ITSN1: variants seen among roughly 807,000 people sequenced by gnomAD.
The protein encoded by ITSN1 is intersectin-1.
A neutral mutation model predicts 239.8 loss-of-function variants in ITSN1; 58 were observed. The observed-to-expected ratio is 0.24, with a 90% confidence interval of 0.20 to 0.30. The LOEUF is 0.30. ITSN1 is among the 10% of genes least tolerant of loss of function. The pLI, the probability that ITSN1 is intolerant of heterozygous loss-of-function variation, is 1.00. For synonymous variants in ITSN1, 780 were observed against 770.8 expected (o/e 1.01, Z -0.20); for missense variants, 1,558 against 2,103.3 (o/e 0.74, Z 5.07).
intron 22 of ITSN1, chr21:33,817,849 TG>T: frequency 3.0e-6 from 1 of 338,844 alleles, no homozygotes; most frequent in Non-Finnish European, 5.4e-6. Context: ...AATGATCTCA[TG>T]ATAGTTCATA....
At chr21:33,881,271 G>T (rs1016281287) in intron 34 of ITSN1, among the ~76,000 whole-genome samples, 2 of 152,072 alleles carry the variant, frequency 1.3e-5, no homozygotes, top group Non-Finnish European at 2.9e-5. Context: ...GCCGGGCGTG[G>T]TCGCGAGCAC....
chr21:33,804,470 A>C (rs1002448037), intron 20 of ITSN1, among the ~76,000 whole-genome samples: 2 of 152,196 alleles, frequency 1.3e-5, no homozygotes, highest in Non-Finnish European at 2.9e-5. Flanking sequence ...TGAAGTTCTC[A>C]ATAAACATTC....
chr21:33,731,711 G>A (rs1189499310), intron 4 of ITSN1, among the ~76,000 whole-genome samples: 1 of 152,192 alleles, frequency 6.6e-6, no homozygotes, highest in Non-Finnish European at 1.5e-5. Context: ...AAGAAAACTT[G>A]TGATCGGATT....
intron 29 of ITSN1, among the ~76,000 whole-genome samples, chr21:33,845,139 A>T (rs532006478): frequency 1.3e-5 from 2 of 152,082 alleles, no homozygotes; most frequent in African/African-American, 4.8e-5. Flanking sequence ...GCAGCAGAGA[A>T]ATGAGTGGGG....
intron 6 of ITSN1, among the ~76,000 whole-genome samples, chr21:33,750,568 C>G (rs1005900908): frequency 6.6e-6 from 1 of 152,152 alleles, no homozygotes; most frequent in African/African-American, 2.4e-5. Flanking sequence ...GTGAGCTCAG[C>G]AGTGAAAGCC....
At chr21:33,650,352 A>G (rs2088401371) in intron 1 of ITSN1, among the ~76,000 whole-genome samples, 1 of 152,328 alleles carries the variant, frequency 6.6e-6, no homozygotes, top group Non-Finnish European at 1.5e-5. Context: ...AAGCACTGCA[A>G]CAAGATTGGA....
intron 34 of ITSN1, among the ~76,000 whole-genome samples, chr21:33,877,450 A>G (rs1006106333): frequency 2.6e-5 from 4 of 152,224 alleles, no homozygotes; most frequent in Non-Finnish European, 4.4e-5. Context: ...TGGGCATCAC[A>G]GCCCTTGTGT....
chr21:33,834,608 TA>T (rs1569278198), intron 28 of ITSN1, among the ~76,000 whole-genome samples, 184 bp downstream of exon 28: 1 of 152,384 alleles, frequency 6.6e-6, no homozygotes, highest in East Asian at 1.9e-4. Context: ...ACCAGATATC[TA>T]AGTGGCTTTT....
At chr21:33,887,186 G>A (rs1260384402) in intron 39 of ITSN1, among the ~76,000 whole-genome samples, 3 of 151,710 alleles carry the variant, frequency 2.0e-5, no homozygotes, top group African/African-American at 7.3e-5. Context: ...AGGCATGGTG[G>A]CATGCACCTG....
intron 12 of ITSN1, 21 bp downstream of exon 12, chr21:33,772,344 C>T: frequency 6.5e-7 from 1 of 1,549,810 alleles, no homozygotes; most frequent in Non-Finnish European, 8.7e-7. Flanking sequence ...GAGAGTGGAG[C>T]CACCCGGAGT....
intron 3 of ITSN1, 121 bp from the exon 4 acceptor site, chr21:33,722,467 T>G: frequency 8.1e-7 from 1 of 1,239,048 alleles, no homozygotes; most frequent in Non-Finnish European, 1.1e-6. Flanking sequence ...TATAATGCAC[T>G]CAACTGGTAT....
intron 30 of ITSN1, among the ~76,000 whole-genome samples, 154 bp downstream of exon 30, chr21:33,857,011 G>A (rs997121024): frequency 2.0e-5 from 3 of 152,172 alleles, no homozygotes; most frequent in Admixed American, 6.5e-5. Flanking sequence ...AGGAGATTGC[G>A]ACCGCAGAGA....
In ITSN1 at chr21:33,757,368, G is replaced by A. The variant is rs116678249; in HGVS notation, c.724+1971G>A. Among the ~76,000 whole-genome samples the A allele has an allele frequency of 7.2e-3, 1,096 of 152,144 alleles. 14 individuals are homozygous for A. The highest frequency in any genetic ancestry group is 0.025 in the African/African-American group (1,043 of 41,492). On this transcript the variant is annotated intron_variant, in intron 8 of 39. Transcript: ENST00000381318. ...ATATCTGAGGCAGAAAGTAAAATTTGAAATATACTGGAAAGAAAGCAGATT... is the reference window on the plus strand; with the variant it reads ...ATATCTGAGGCAGAAAGTAAAATTTAAAATATACTGGAAAGAAAGCAGATT...
chr21:33,721,646 T>A (rs1049742442), intron 3 of ITSN1, among the ~76,000 whole-genome samples: 1 of 151,244 alleles, frequency 6.6e-6, no homozygotes, highest in Non-Finnish European at 1.5e-5. Context: ...AAATAAAAAA[T>A]TAGCTGGGTG....
chr21:33,664,835 T>A (rs2089819459), intron 1 of ITSN1, among the ~76,000 whole-genome samples: 1 of 152,244 alleles, frequency 6.6e-6, no homozygotes, highest in African/African-American at 2.4e-5. Flanking sequence ...ACCAGTTGAT[T>A]ATATGACCTC....
At chr21:33,649,580 C>G (rs1262524118) in intron 1 of ITSN1, among the ~76,000 whole-genome samples, 1 of 152,110 alleles carries the variant, frequency 6.6e-6, no homozygotes, top group Non-Finnish European at 1.5e-5. Flanking sequence ...AGTTGGTCAC[C>G]AAAACCTGTC....
chr21:33,642,943 G>A (rs912579635), intron 1 of ITSN1, among the ~76,000 whole-genome samples: 4 of 150,578 alleles, frequency 2.7e-5, no homozygotes, highest in African/African-American at 9.7e-5. Flanking sequence ...GGGCGGACCC[G>A]CACTGGGAGG....
At chr21:33,722,896 C>T (rs921460903) in intron 4 of ITSN1, among the ~76,000 whole-genome samples, 5 of 152,142 alleles carry the variant, frequency 3.3e-5, no homozygotes, top group Non-Finnish European at 7.4e-5. Flanking sequence ...GTTGAATTTC[C>T]ATGGAGACAT....
Position 33,767,827 on chromosome 21 carries a change from T to G in ITSN1, c.1041T>G (p.Pro347=), listed in dbSNP as rs1198669267. The G allele has an allele frequency of 6.6e-7, 1 of 1,522,632 alleles. No homozygotes were observed. The highest frequency in any genetic ancestry group is 1.7e-5 in the Admixed American group (1 of 59,602). The allele number at this position is 1,522,632 out of a possible 1,614,324, so 94.3% of individuals were successfully genotyped here. ...DEQQQLEKKL[P]VTFEDKKREN... ...AACAACAATTAGAAAAGAAATTACC[T>G]GGTAAGGCAGCCTTTATGTTGAGTT... Residue 347 remains proline (P), a splice_region_variant and synonymous_variant, in exon 11 of 40, where the codon CCT becomes CCG. Coordinates refer to ENST00000381318, the MANE Select transcript of ITSN1 (RefSeq NM_003024.3).
Sources: gnomAD v4.1 joint callset for allele counts (sites outside exome capture counted in the v4.1 genomes callset) on GRCh38, gnomAD v4.1.1 for gene constraint, MANE v1.5 for transcripts, NCBI Gene and HGNC (gene_info 2026-07-23, HGNC 2026-07-21) for gene names.